Variants in DRC10 observed in about 807,000 individuals in gnomAD.
DRC10 encodes the protein dynein regulatory complex subunit 10.
the DRC10 span, among the ~76,000 whole-genome samples, chr12:113,201,021 C>T: frequency 6.6e-6 from 1 of 152,138 alleles, no homozygotes; most frequent in Non-Finnish European, 1.5e-5. Flanking sequence ...TGCCTGTAAT[C>T]CCAGCTACTC....
the DRC10 span, among the ~76,000 whole-genome samples, chr12:113,196,306 GAC>G: frequency 6.6e-6 from 1 of 152,170 alleles, no homozygotes; most frequent in East Asian, 1.9e-4. Flanking sequence ...ACACAGTGGG[GAC>G]ACAAGAAATG....
chr12:113,202,889 T>C, the DRC10 span: 1 of 317,328 alleles, frequency 3.2e-6, no homozygotes, highest in Non-Finnish European at 6.6e-6. Flanking sequence ...TGGGTGTCTC[T>C]GTTATAGCAG....
At chr12:113,217,328 T>A in the DRC10 span, among the ~76,000 whole-genome samples, 2 of 152,200 alleles carry the variant, frequency 1.3e-5, no homozygotes, top group African/African-American at 4.8e-5. Context: ...CGTGTAATTT[T>A]TTTTTTTTTA....
At chr12:113,203,468 C>CCCCTTCCCTT in the DRC10 span, among the ~76,000 whole-genome samples, 2 of 149,642 alleles carry the variant, frequency 1.3e-5, no homozygotes, top group African/African-American at 2.5e-5. Flanking sequence ...CCCCTCCCCA[C>CCCCTTCCCTT]CCCTTCCCTT....
At chr12:113,200,549 CTCGG>C in the DRC10 span, 1 of 1,469,774 alleles carries the variant, frequency 6.8e-7, no homozygotes, top group East Asian at 2.5e-5. Context: ...CAGGGGCCCC[CTCGG>C]CCCATCCTCG....
At chr12:113,197,525 A>T in the DRC10 span, 592 of 1,508,570 alleles carry the variant, frequency 3.9e-4, 6 homozygotes, top group Non-Finnish European at 6.2e-5. Flanking sequence ...AGAGAGACTT[A>T]TTCAGCGACA....
the DRC10 span, among the ~76,000 whole-genome samples, chr12:113,218,926 T>C: frequency 6.6e-6 from 1 of 152,266 alleles, no homozygotes; most frequent in African/African-American, 2.4e-5. Flanking sequence ...TTAAGGGTGA[T>C]GTTGCTAAGA....
the DRC10 span, among the ~76,000 whole-genome samples, chr12:113,205,120 C>T: frequency 6.6e-6 from 1 of 152,114 alleles, no homozygotes; most frequent in South Asian, 2.1e-4. Flanking sequence ...TTCTTTAATT[C>T]CTACCTTCCT....
chr12:113,211,353 G>A, the DRC10 span, among the ~76,000 whole-genome samples: 1 of 152,164 alleles, frequency 6.6e-6, no homozygotes, highest in African/African-American at 2.4e-5. Flanking sequence ...CCAAACCAAA[G>A]AACACACCAA....
chr12:113,199,283 G>A, the DRC10 span, among the ~76,000 whole-genome samples: 4 of 152,090 alleles, frequency 2.6e-5, no homozygotes, highest in South Asian at 6.2e-4. Flanking sequence ...ATGCCCCAGC[G>A]ACCCATGAGG....
the DRC10 span, chr12:113,200,712 C>T: frequency 6.5e-7 from 1 of 1,536,236 alleles, no homozygotes; most frequent in South Asian, 1.2e-5. Flanking sequence ...TCTGCTGCTT[C>T]TCAGCCTCCT....
the DRC10 span, among the ~76,000 whole-genome samples, chr12:113,202,590 G>C: frequency 6.6e-6 from 1 of 152,212 alleles, no homozygotes; most frequent in African/African-American, 2.4e-5. Flanking sequence ...GTGGCTACAA[G>C]ATATGCATGG....
At chr12:113,203,035 T>G in the DRC10 span, 1 of 314,746 alleles carries the variant, frequency 3.2e-6, no homozygotes, top group Non-Finnish European at 6.5e-6. Context: ...ACTGTTTCCC[T>G]TTTTTTTTTG....
chr12:113,205,732 A>AAGAT, the DRC10 span, among the ~76,000 whole-genome samples: 1 of 147,464 alleles, frequency 6.8e-6, no homozygotes, highest in South Asian at 2.2e-4. Context: ...TACTAAAAAT[A>AAGAT]CAAAAAATTA....
At chr12:113,215,531 G>C in the DRC10 span, among the ~76,000 whole-genome samples, 1 of 152,100 alleles carries the variant, frequency 6.6e-6, no homozygotes, top group African/African-American at 2.4e-5. Context: ...TTACTATTTT[G>C]TTTTTAATTT....
chr12:113,219,360 C>A, the DRC10 span, among the ~76,000 whole-genome samples: 3 of 152,152 alleles, frequency 2.0e-5, no homozygotes, highest in African/African-American at 7.2e-5. Flanking sequence ...TAAGAAACTG[C>A]CAACTATATT....
chr12:113,204,621 C>T, the DRC10 span, among the ~76,000 whole-genome samples: 1 of 152,200 alleles, frequency 6.6e-6, no homozygotes, highest in African/African-American at 2.4e-5. Flanking sequence ...CTATCTGGCC[C>T]TTTGTAGAAA....
chr12:113,211,860 G>A, the DRC10 span, among the ~76,000 whole-genome samples: 3 of 151,958 alleles, frequency 2.0e-5, no homozygotes, highest in Non-Finnish European at 4.4e-5. Flanking sequence ...GAGCCCAGGA[G>A]TTCAAGATCA....
the DRC10 span, chr12:113,208,565 A>C: frequency 5.5e-6 from 1 of 180,634 alleles, no homozygotes; most frequent in Admixed American, 5.4e-5. Context: ...TTGAGAGGCC[A>C]ACCAGGGGAA....
Sources: gnomAD v4.1 joint callset for allele counts (sites outside exome capture counted in the v4.1 genomes callset) on GRCh38, gnomAD v4.1.1 for gene constraint, MANE v1.5 for transcripts, NCBI Gene and HGNC (gene_info 2026-07-23, HGNC 2026-07-21) for gene names.